RTN4RL1: variants seen among roughly 807,000 people sequenced by gnomAD.
RTN4RL1 encodes the protein reticulon 4 receptor like 1.
In RTN4RL1, 7 loss-of-function variants were observed where a neutral mutation model predicts 25.6. The ratio of observed to expected loss-of-function variants is 0.27; its 90% CI spans 0.16 to 0.51. The LOEUF (loss-of-function observed/expected upper bound fraction) is 0.51, where lower values mean the gene tolerates loss of function less well. Ranked by LOEUF, RTN4RL1 falls within the 20% of genes least tolerant of loss-of-function variation. The pLI, the probability that RTN4RL1 is intolerant of heterozygous loss-of-function variation, is 0.97. For synonymous variants in RTN4RL1, 297 were observed against 288.2 expected (o/e 1.03, Z -0.31); for missense variants, 500 against 615.6 (o/e 0.81, Z 1.99).
At chr17:1,953,322 C>T (rs895888257) in intron 1 of RTN4RL1, among the ~76,000 whole-genome samples, 6 of 152,108 alleles carry the variant, frequency 3.9e-5, no homozygotes, top group Middle Eastern at 6.8e-3. Context: ...GGGAAGATCA[C>T]TTGAGCCCAA....
Position 1,937,730 on chromosome 17 carries a change from C to T in RTN4RL1, c.92G>A (p.Cys31Tyr). ...LGGGCPRDCVCYPAPMTVSCQ... is the reference protein window; with the variant it reads ...LGGGCPRDCVYYPAPMTVSCQ... ...GCTGACCGTCATGGGCGCCGGGTAG[C>T]ACACACAGTCCCGTGGGCAGCCACC... The change falls in exon 2 of 2, where the codon TGC (cysteine) becomes TAC (tyrosine). Residue 31 changes from cysteine to tyrosine, a missense_variant. By Grantham distance (194) the Cys-to-Tyr change is radical. Coordinates refer to ENST00000331238, the MANE Select transcript of RTN4RL1 (RefSeq NM_178568.4). 6.2e-7 allele frequency: 1 copy of T among 1,610,502 alleles called. No homozygotes were observed. Among genetic ancestry groups the T allele is most frequent in the Non-Finnish European group, 8.5e-7 (1 of 1,179,756 alleles).
chr17:1,979,525 G>T lies in RTN4RL1; in HGVS notation c.14-41717C>A, dbSNP rs112943963. Among the ~76,000 whole-genome samples the T allele has an allele frequency of 3.6e-3, 4 of 1,122 alleles. 1 individual carries two copies. The highest frequency in any genetic ancestry group is 0.013 in the East Asian group (4 of 308). The allele number at this position is 1,122 out of a possible 152,430, so 0.7% of individuals were successfully genotyped here. ...GAAGGAAAGAAAAGAAATGCTGAGT[G>T]GGGGGGTGTGGGTTGGGAGTACCAC... On this transcript the variant is annotated intron_variant, in intron 1 of 1. Transcript: ENST00000331238.
chr17:1,978,149 G>A (rs1421343210), intron 1 of RTN4RL1, among the ~76,000 whole-genome samples: 2 of 152,332 alleles, frequency 1.3e-5, no homozygotes, highest in African/African-American at 4.8e-5. Flanking sequence ...GGTTGGGGCG[G>A]CTGCCAGGCC....
chr17:1,957,697 CG>C (rs1264090316), intron 1 of RTN4RL1, among the ~76,000 whole-genome samples: 1 of 151,746 alleles, frequency 6.6e-6, no homozygotes, highest in Non-Finnish European at 1.5e-5. Flanking sequence ...AGAAATTAGC[CG>C]GGCATGTTGG....
intron 1 of RTN4RL1, among the ~76,000 whole-genome samples, chr17:1,949,699 C>G (rs936631889): frequency 4.6e-5 from 7 of 152,292 alleles, no homozygotes; most frequent in Admixed American, 1.3e-4. Context: ...AGAGGCTCGG[C>G]TCCTTCCCTC....
chr17:1,977,935 G>A lies in RTN4RL1; in HGVS notation c.14-40127C>T, dbSNP rs141455775. On this transcript the variant is annotated intron_variant, in intron 1 of 1. Coordinates refer to ENST00000331238, the MANE Select transcript of RTN4RL1 (RefSeq NM_178568.4). Reference sequence around the variant, plus strand: ...ATCGGAGCCCCGCGTCCCGCACCCCGCACCCTGCACCCTGGATCCTGCATC... The same window carrying A: ...ATCGGAGCCCCGCGTCCCGCACCCCACACCCTGCACCCTGGATCCTGCATC... 3.7e-3 allele frequency among the ~76,000 whole-genome samples: 533 copies of A among 143,954 alleles called. 3 individuals carry two copies. Among genetic ancestry groups the A allele is most frequent in the Admixed American group, 8.7e-3 (127 of 14,624 alleles). 94.4% of individuals were successfully genotyped at this position (143,954 alleles called of 152,430 possible). A position where few individuals can be genotyped will look rare whatever the true frequency, so the allele number is the denominator to read the frequency against.
At position 2,025,223 on chromosome 17, in the gene RTN4RL1, T is replaced by A; in HGVS notation, c.-358A>T. 1 of 194,550 alleles carries A rather than the reference T, an allele frequency of 5.1e-6. No homozygotes were observed. Among genetic ancestry groups the A allele is most frequent in the Non-Finnish European group, 1.0e-5 (1 of 96,370 alleles). 12.1% of individuals were successfully genotyped at this position (194,550 alleles called of 1,614,324 possible). A position where few individuals can be genotyped will look rare whatever the true frequency, so the allele number is the denominator to read the frequency against. On this transcript the variant is annotated 5_prime_UTR_variant, in exon 1 of 2. Transcript: ENST00000331238. The surrounding 1 kb of genome is among the most constrained non-coding windows in gnomAD (Gnocchi z 4.8). ...CCCTGGCCGGCCGGCCGCAGCCCCCTCCTCTCCGCCCCCTCGGACCACCGC... is the reference window on the plus strand; with the variant it reads ...CCCTGGCCGGCCGGCCGCAGCCCCCACCTCTCCGCCCCCTCGGACCACCGC...
intron 1 of RTN4RL1, among the ~76,000 whole-genome samples, chr17:1,961,817 AT>A (rs2066763701): frequency 1.2e-5 from 1 of 80,228 alleles, no homozygotes; most frequent in Admixed American, 1.1e-4. Flanking sequence ...GCGTGGTGGC[AT>A]GTGCCTGTAA....
intron 1 of RTN4RL1, among the ~76,000 whole-genome samples, chr17:1,952,008 C>CA (rs1915691213): frequency 6.6e-6 from 1 of 152,158 alleles, no homozygotes; most frequent in Admixed American, 6.5e-5. Flanking sequence ...TCAGGGACAG[C>CA]AGGACGGCTG....
intron 1 of RTN4RL1, among the ~76,000 whole-genome samples, chr17:1,938,373 G>A (rs887644317): frequency 6.6e-6 from 1 of 151,964 alleles, no homozygotes; most frequent in Non-Finnish European, 1.5e-5. Context: ...CGGGATCTGG[G>A]CTCACTGCAA....
chr17:1,974,866 C>T (rs2066836162), intron 1 of RTN4RL1, among the ~76,000 whole-genome samples: 1 of 152,240 alleles, frequency 6.6e-6, no homozygotes, highest in South Asian at 2.1e-4. Flanking sequence ...GGCCAGCTTC[C>T]CAGGCATGGT....
chr17:1,971,563 C>A (rs2066818825), intron 1 of RTN4RL1, among the ~76,000 whole-genome samples: 1 of 152,120 alleles, frequency 6.6e-6, no homozygotes, highest in African/African-American at 2.4e-5. Context: ...GGCATGGTGG[C>A]TCACACCTGT....
chr17:2,023,988 G>A (rs376352487), intron 1 of RTN4RL1, among the ~76,000 whole-genome samples: 5 of 152,254 alleles, frequency 3.3e-5, no homozygotes, highest in Admixed American at 6.5e-5. Flanking sequence ...GGCAGACGCA[G>A]AGGCTGGAAC....
intron 1 of RTN4RL1, among the ~76,000 whole-genome samples, chr17:1,969,973 G>A (rs1312746456): frequency 2.0e-5 from 3 of 151,060 alleles, no homozygotes; most frequent in Non-Finnish European, 2.9e-5. Flanking sequence ...AGACACCTGA[G>A]CCTCTCTCTC....
chr17:1,960,623 A>G (rs1358721559), intron 1 of RTN4RL1, among the ~76,000 whole-genome samples: 2 of 152,218 alleles, frequency 1.3e-5, no homozygotes, highest in Non-Finnish European at 2.9e-5. Context: ...GGCACGCAGC[A>G]TATTCGCAAC....
chr17:1,988,403 CAA>C (rs398030159), intron 1 of RTN4RL1, among the ~76,000 whole-genome samples: 28 of 77,204 alleles, frequency 3.6e-4, no homozygotes, highest in Middle Eastern at 7.8e-3. Context: ...GACTCCGCCT[CAA>C]AAAAAAAAAA....
Sources: allele counts gnomAD v4.1 joint callset (sites outside exome capture counted in the v4.1 genomes callset), GRCh38; gene constraint gnomAD v4.1.1; non-coding constraint Gnocchi (gnomAD v3.1); transcripts MANE v1.5; gene names NCBI Gene and HGNC (gene_info 2026-07-23, HGNC 2026-07-21).